The following VPS26A variants were observed in gnomAD, a reference collection of about 807,000 sequenced individuals.
VPS26A encodes the protein VPS26 retromer complex component A.
In VPS26A, 22 loss-of-function variants were observed where a neutral mutation model predicts 42.4. The observed-to-expected ratio is 0.52, with a 90% CI of 0.37 to 0.74. VPS26A has a LOEUF of 0.74. VPS26A is among the 30% of genes least tolerant of loss of function. VPS26A has a pLI of 0.00. For synonymous variants in VPS26A, 110 were observed against 123.5 expected (o/e 0.89, Z 0.73); for missense variants, 276 against 379.2 (o/e 0.73, Z 2.26).
intron 5 of VPS26A, among the ~76,000 whole-genome samples, chr10:69,159,372 C>G (rs1379133237): frequency 6.7e-6 from 1 of 148,690 alleles, no homozygotes; most frequent in African/African-American, 2.5e-5. Flanking sequence ...CAGAGGGAGA[C>G]TCCATCTCAA....
intron 2 of VPS26A, among the ~76,000 whole-genome samples, chr10:69,139,976 C>T (rs1420074002): frequency 1.3e-5 from 2 of 151,742 alleles, no homozygotes; most frequent in South Asian, 4.2e-4. Context: ...AAATGCCATT[C>T]TGTTCCTTCT....
At chr10:69,150,766 TACTC>T (rs1162111821) in intron 2 of VPS26A, among the ~76,000 whole-genome samples, 1 of 152,188 alleles carries the variant, frequency 6.6e-6, no homozygotes, top group Admixed American at 6.5e-5. Context: ...GTCTCCAACT[TACTC>T]TTTGTTGTGG....
Position 69,172,059 on chromosome 10 carries a change from T to C in VPS26A, c.*790T>C, listed in dbSNP as rs1293403976. 1 of 152,246 alleles carries C rather than the reference T, an allele frequency of 6.6e-6. No individual in the cohort carries two copies. Among genetic ancestry groups the C allele is most frequent in the African/African-American group, 2.4e-5 (1 of 41,466 alleles). 9.4% of individuals were successfully genotyped at this position (152,246 alleles called of 1,614,324 possible). A position where few individuals can be genotyped will look rare whatever the true frequency, so the allele number is the denominator to read the frequency against. On this transcript the variant is annotated 3_prime_UTR_variant, in exon 9 of 9. Coordinates refer to ENST00000263559, the MANE Select transcript of VPS26A (RefSeq NM_004896.5). ...CTTGGCATTTTAGATTTGTTAAAACTATTTTTTCCATAAATACTTTGAAAC... is the reference window on the plus strand; with the variant it reads ...CTTGGCATTTTAGATTTGTTAAAACCATTTTTTCCATAAATACTTTGAAAC...
intron 2 of VPS26A, among the ~76,000 whole-genome samples, chr10:69,134,358 C>T (rs187734050): frequency 3.5e-3 from 526 of 152,176 alleles, no homozygotes; most frequent in African/African-American, 0.011. Flanking sequence ...ATATGGACAT[C>T]GGTATACGTA....
intron 6 of VPS26A, among the ~76,000 whole-genome samples, chr10:69,164,492 C>T (rs1841641374): frequency 6.6e-6 from 1 of 152,120 alleles, no homozygotes; most frequent in Non-Finnish European, 1.5e-5. Flanking sequence ...GCTGGGTTTA[C>T]AGGTGTGAGC....
chr10:69,165,816 C>A (rs1327397752), intron 6 of VPS26A, among the ~76,000 whole-genome samples: 1 of 136,654 alleles, frequency 7.3e-6, no homozygotes, highest in Non-Finnish European at 1.7e-5. Context: ...CATGGTGGTG[C>A]ACACGTGTAA....
intron 2 of VPS26A, among the ~76,000 whole-genome samples, chr10:69,151,276 A>AACAAAAACAAAAAC (rs1554854510): frequency 2.9e-5 from 2 of 69,030 alleles, no homozygotes; most frequent in Admixed American, 1.6e-4. Flanking sequence ...AAAAAAAAAA[A>AACAAAAACAAAAAC]AAAAAAACAC....
intron 2 of VPS26A, among the ~76,000 whole-genome samples, chr10:69,147,795 C>T (rs865998376): frequency 6.6e-6 from 1 of 152,228 alleles, no homozygotes; most frequent in South Asian, 2.1e-4. Flanking sequence ...TCACTGCAAC[C>T]TCCACCTTCT....
In VPS26A at chr10:69,157,128, A is replaced by C. The variant is rs552594499; in HGVS notation, c.351A>C (p.Pro117=). The part of the protein sequence containing the change: ...YDFEFMQVEK[P]YESYIGANVR... ...TTGAATTTATGCAAGTTGAAAAGCC[A>C]TATGAATCTTACATCGGTGCCAATG... is the stretch of plus-strand genomic sequence containing the variant. Residue 117 remains proline (P), a synonymous_variant, in exon 4 of 9, where the codon CCA becomes CCC. Transcript: ENST00000263559. 17 of 1,613,464 alleles carry C rather than the reference A, an allele frequency of 1.1e-5. No individual in the cohort carries two copies. The East Asian group carries it at 3.8e-4, about 36-fold the overall frequency.
At chr10:69,148,950 G>A (rs1841225899) in intron 2 of VPS26A, among the ~76,000 whole-genome samples, 1 of 151,954 alleles carries the variant, frequency 6.6e-6, no homozygotes, top group Admixed American at 6.6e-5. Context: ...TAGAGATGGG[G>A]TTTCACCGTG....
intron 1 of VPS26A, among the ~76,000 whole-genome samples, chr10:69,125,692 T>C (rs1172104640): frequency 6.6e-6 from 1 of 152,236 alleles, no homozygotes; most frequent in Admixed American, 6.5e-5. Context: ...TGTAAAACTT[T>C]AAAACACTGA....
chr10:69,134,617 C>A (rs989910621), intron 2 of VPS26A, among the ~76,000 whole-genome samples: 2 of 150,970 alleles, frequency 1.3e-5, no homozygotes, highest in African/African-American at 4.9e-5. Context: ...ATTTGCATTT[C>A]TTTGGTTACT....
intron 2 of VPS26A, among the ~76,000 whole-genome samples, chr10:69,136,253 A>G (rs1346038651): frequency 1.4e-5 from 2 of 145,048 alleles, no homozygotes; most frequent in East Asian, 2.0e-4. Context: ...TTTCTCTGTC[A>G]TTTTTCTTTT....
intron 5 of VPS26A, 104 bp from the exon 6 acceptor site, chr10:69,162,302 A>T: frequency 1.7e-6 from 1 of 579,548 alleles, no homozygotes; most frequent in Non-Finnish European, 2.9e-6. Flanking sequence ...AAAATGGCTT[A>T]AGTAATTATA....
At position 69,173,085 on chromosome 10, in the gene VPS26A, CTT is replaced by C. The variant is rs1192306643; in HGVS notation, c.*1820_*1821del. On this transcript the variant is annotated 3_prime_UTR_variant, in exon 9 of 9. Transcript: ENST00000263559. ...GGATGCCTATCCGTTTTGCTCAAGA[CTT>C]TTTGTAGCATAACCAATTTGAAAAA... Among the ~76,000 whole-genome samples, 2 of 152,146 alleles carry C rather than the reference CTT, an allele frequency of 1.3e-5. No homozygotes were observed. Among genetic ancestry groups the C allele is most frequent in the Admixed American group, 6.5e-5 (1 of 15,268 alleles).
chr10:69,152,924 C>T (rs1214742875), intron 2 of VPS26A, among the ~76,000 whole-genome samples: 9 of 150,224 alleles, frequency 6.0e-5, no homozygotes, highest in Non-Finnish European at 1.0e-4. Flanking sequence ...GAGCCAAGAT[C>T]GTGCCACTGC....
chr10:69,141,865 GT>G (rs2132202873), intron 2 of VPS26A, among the ~76,000 whole-genome samples: 1 of 152,080 alleles, frequency 6.6e-6, no homozygotes, highest in East Asian at 1.9e-4. Context: ...TCCTTCTGAA[GT>G]TCTTCATAAT....
At chr10:69,136,654 T>C (rs185576340) in intron 2 of VPS26A, among the ~76,000 whole-genome samples, 1 of 152,306 alleles carries the variant, frequency 6.6e-6, no homozygotes, top group East Asian at 1.9e-4. Flanking sequence ...CTTTAAATTC[T>C]GTCATTTTGT....
At position 69,131,330 on chromosome 10, in the gene VPS26A, A is replaced by G. The variant is rs576865678; in HGVS notation, c.4-1568A>G. ...GAGCCAGGTGCAGTGGCTCACGCCC[A>G]TAATCCCAACACTTTGGGAGGCCGA... On this transcript the variant is annotated intron_variant, in intron 1 of 8. Coordinates refer to ENST00000263559, the MANE Select transcript of VPS26A (RefSeq NM_004896.5). Among the ~76,000 whole-genome samples the G allele has an allele frequency of 1.9e-3, 294 of 152,314 alleles. 1 individual carries two copies. Among genetic ancestry groups the G allele is most frequent in the Middle Eastern group, 3.4e-3 (1 of 294 alleles).
Sources: allele counts gnomAD v4.1 joint callset (sites outside exome capture counted in the v4.1 genomes callset), GRCh38; gene constraint gnomAD v4.1.1; transcripts MANE v1.5; gene names NCBI Gene and HGNC (gene_info 2026-07-23, HGNC 2026-07-21).